Variants in EPB41 observed in about 807,000 individuals in gnomAD.
EPB41 encodes the protein erythrocyte membrane protein band 4.1, also known as protein 4.1.
In EPB41, 65 loss-of-function variants were observed where a neutral mutation model predicts 108.0. The observed-to-expected ratio is 0.60, with a 90% CI of 0.49 to 0.74. The LOEUF (loss-of-function observed/expected upper bound fraction) is 0.74. Among genes scored for constraint, EPB41 ranks in the 30% least tolerant of loss-of-function variants. The pLI, the probability that EPB41 is intolerant of heterozygous loss-of-function variation, is 0.00. For synonymous variants in EPB41, 336 were observed against 358.9 expected (o/e 0.94, Z 0.72); for missense variants, 875 against 1,037.0 (o/e 0.84, Z 2.15).
rs777957277 is a variant in EPB41, at chr1:29,119,293, T to C, written c.*2481T>C. On this transcript the variant is annotated 3_prime_UTR_variant, in exon 21 of 21. Transcript: ENST00000343067. ...TGGATTTTTTTTCTTTCTGCAGTTG[T>C]GTGTATGTGTGTTTGTGTGAAGAAA... The C allele has an allele frequency of 7.9e-5, 12 of 152,582 alleles. No homozygotes were observed. The highest frequency in any genetic ancestry group is 1.5e-4 in the Non-Finnish European group (10 of 68,036). 9.5% of individuals were successfully genotyped at this position (152,582 alleles called of 1,614,324 possible).
intron 2 of EPB41, 52 bp downstream of exon 2, chr1:28,987,957 T>G: frequency 6.3e-7 from 1 of 1,578,392 alleles, no homozygotes; most frequent in Non-Finnish European, 8.7e-7. Context: ...GTTATACACT[T>G]TATTTTTCAT....
intron 11 of EPB41, among the ~76,000 whole-genome samples, chr1:29,047,685 G>A (rs952524973): frequency 6.6e-6 from 1 of 151,994 alleles, no homozygotes; most frequent in Non-Finnish European, 1.5e-5. Context: ...TTGGTAAGTT[G>A]TACCTTTTTG....
intron 1 of EPB41, among the ~76,000 whole-genome samples, chr1:28,948,918 C>T (rs962228488): frequency 2.6e-5 from 4 of 152,150 alleles, no homozygotes; most frequent in African/African-American, 9.7e-5. Context: ...CAACTGCACT[C>T]CAGCCTGGGT....
At chr1:29,039,674 C>T (rs562201055) in intron 11 of EPB41, among the ~76,000 whole-genome samples, 10 of 151,882 alleles carry the variant, frequency 6.6e-5, no homozygotes, top group Admixed American at 3.9e-4. Context: ...ATTAGCTGGG[C>T]GTGGCGGCAT....
chr1:28,900,029 G>T (rs1300027447), intron 1 of EPB41, among the ~76,000 whole-genome samples: 1 of 152,176 alleles, frequency 6.6e-6, no homozygotes, highest in Non-Finnish European at 1.5e-5. Context: ...GAAGTACTCA[G>T]TCCGTAGCTG....
intron 11 of EPB41, among the ~76,000 whole-genome samples, chr1:29,047,972 C>T (rs1028249510): frequency 6.6e-6 from 1 of 151,092 alleles, no homozygotes; most frequent in Non-Finnish European, 1.5e-5. Context: ...TTAGTAGAGA[C>T]GAGGTTTCAC....
intron 16 of EPB41, among the ~76,000 whole-genome samples, chr1:29,076,185 T>G (rs1653992035): frequency 6.6e-6 from 1 of 152,242 alleles, no homozygotes. Flanking sequence ...CATCTGCTAT[T>G]CAGATCTATT....
intron 1 of EPB41, among the ~76,000 whole-genome samples, chr1:28,932,174 G>A (rs999725277): frequency 2.6e-5 from 4 of 152,116 alleles, no homozygotes; most frequent in Admixed American, 2.0e-4. Context: ...CCAGGCTGGA[G>A]TGCAGTGGCA....
intron 1 of EPB41, among the ~76,000 whole-genome samples, chr1:28,925,116 C>T (rs181626871): frequency 2.0e-3 from 302 of 152,284 alleles, no homozygotes; most frequent in African/African-American, 6.9e-3. Context: ...CAAGCACCCA[C>T]CACCATGCCC....
intron 16 of EPB41, among the ~76,000 whole-genome samples, chr1:29,074,531 A>G (rs1653025537): frequency 6.6e-6 from 1 of 152,156 alleles, no homozygotes; most frequent in African/African-American, 2.4e-5. Context: ...ATCTCCTTTT[A>G]CTGTAGCAGA....
chr1:29,058,854 T>C lies in EPB41; in HGVS notation c.1944+2T>C. The C allele has an allele frequency of 6.4e-7, 1 of 1,551,026 alleles. No homozygotes were observed. Among genetic ancestry groups the C allele is most frequent in the Non-Finnish European group, 8.7e-7 (1 of 1,146,540 alleles). On this transcript the variant is annotated splice_donor_variant, in intron 14 of 20. Coordinates refer to ENST00000343067, the MANE Select transcript of EPB41 (RefSeq NM_001376013.1). LOFTEE classifies it high-confidence loss of function. ...GAAGATCTGATAAGAATGAGGAAGG[T>C]TAGCCATTTTTCACTTTCACAAAAC... is the stretch of plus-strand genomic sequence containing the variant.
At chr1:29,091,282 T>C (rs1430599797) in intron 16 of EPB41, among the ~76,000 whole-genome samples, 1 of 152,216 alleles carries the variant, frequency 6.6e-6, no homozygotes, top group Non-Finnish European at 1.5e-5. Flanking sequence ...TTCTCAGTTG[T>C]GACAAATTAT....
At chr1:28,906,515 G>T (rs2091838598) in intron 1 of EPB41, among the ~76,000 whole-genome samples, 1 of 152,188 alleles carries the variant, frequency 6.6e-6, no homozygotes, top group South Asian at 2.1e-4. Flanking sequence ...ATTCCAGCTG[G>T]TAAGAGAATA....
At chr1:29,020,759 G>A (rs2096634164) in intron 7 of EPB41, among the ~76,000 whole-genome samples, 1 of 152,048 alleles carries the variant, frequency 6.6e-6, no homozygotes, top group South Asian at 2.1e-4. Context: ...CTAGGTTCAA[G>A]TGATCGTCTC....
At chr1:28,932,412 A>T (rs1273328367) in intron 1 of EPB41, among the ~76,000 whole-genome samples, 1 of 149,560 alleles carries the variant, frequency 6.7e-6, no homozygotes, top group African/African-American at 2.5e-5. Context: ...CATGAGCATC[A>T]TGCCTGGCCT....
At chr1:28,956,432 AATTG>A (rs1387906920) in intron 1 of EPB41, among the ~76,000 whole-genome samples, 2 of 152,226 alleles carry the variant, frequency 1.3e-5, no homozygotes, top group Non-Finnish European at 2.9e-5. Context: ...AGTTTTGAAG[AATTG>A]AAAGTAAATA....
intron 4 of EPB41, among the ~76,000 whole-genome samples, chr1:29,009,448 C>T (rs1324033164): frequency 6.6e-6 from 1 of 152,152 alleles, no homozygotes; most frequent in African/African-American, 2.4e-5. Context: ...CGCACAGACT[C>T]AGAATGGTTC....
chr1:28,988,342 CA>C (rs2095919207), intron 2 of EPB41, among the ~76,000 whole-genome samples: 3 of 152,140 alleles, frequency 2.0e-5, no homozygotes, highest in African/African-American at 7.2e-5. Flanking sequence ...TAAGTAGCAT[CA>C]TAAAGCTTTA....
At chr1:28,988,821 G>A (rs374598488) in intron 2 of EPB41, among the ~76,000 whole-genome samples, 13 of 152,236 alleles carry the variant, frequency 8.5e-5, no homozygotes, top group African/African-American at 2.9e-4. Context: ...TGAGCAGCTG[G>A]CATTACAGGT....
Sources: gnomAD v4.1 joint callset for allele counts (sites outside exome capture counted in the v4.1 genomes callset) on GRCh38, gnomAD v4.1.1 for gene constraint, MANE v1.5 for transcripts, NCBI Gene and HGNC (gene_info 2026-07-23, HGNC 2026-07-21) for gene names.